Variants in PPP2R2C observed in about 807,000 individuals in gnomAD.
The protein encoded by PPP2R2C is protein phosphatase 2, regulatory subunit B, gamma.
A neutral mutation model predicts 45.3 loss-of-function variants in PPP2R2C; 10 were observed. The ratio of observed to expected loss-of-function variants is 0.22; its 90% confidence interval spans 0.14 to 0.37. PPP2R2C has a LOEUF of 0.37. Among genes scored for constraint, PPP2R2C ranks in the 10% least tolerant of loss-of-function variants. The pLI, the probability that PPP2R2C is intolerant of heterozygous loss-of-function variation, is 1.00. For synonymous variants in PPP2R2C, 257 were observed against 245.4 expected, an observed-to-expected ratio of 1.05 and a Z score of -0.44; for missense variants, 308 against 619.7, an observed-to-expected ratio of 0.50 and a Z score of 5.34.
At chr4:6,400,549 T>C (rs995135332) in intron 1 of PPP2R2C, among the ~76,000 whole-genome samples, 21 of 152,200 alleles carry the variant, frequency 1.4e-4, no homozygotes, top group African/African-American at 4.8e-4. Context: ...GACCAAAAAG[T>C]TTGGCAACCA....
intron 1 of PPP2R2C, among the ~76,000 whole-genome samples, chr4:6,542,792 A>G (rs1171420133): frequency 6.6e-6 from 1 of 152,210 alleles, no homozygotes; most frequent in African/African-American, 2.4e-5. Flanking sequence ...AATACAGCTC[A>G]CTAACACTGA....
chr4:6,346,966 C>T (rs1364376417), intron 6 of PPP2R2C, among the ~76,000 whole-genome samples: 1 of 152,196 alleles, frequency 6.6e-6, no homozygotes, highest in Non-Finnish European at 1.5e-5. Context: ...GGGGGACACC[C>T]CACCTCCTGC....
chr4:6,442,682 C>A (rs997336436), intron 1 of PPP2R2C, among the ~76,000 whole-genome samples: 7 of 152,330 alleles, frequency 4.6e-5, no homozygotes, highest in Admixed American at 1.3e-4. Context: ...AGTTCCAACA[C>A]CCCTAGGGTG....
rs1256932488 is a variant in PPP2R2C at position 6,345,347 on chromosome 4, G to A, written c.790+2499C>T. ...GTGTCCTGTAGTAGGCGGTGGAACGGCCCCCAGAGACGGCTGCGTCCTGAT... is the reference window on the plus strand; with the variant it reads ...GTGTCCTGTAGTAGGCGGTGGAACGACCCCCAGAGACGGCTGCGTCCTGAT... On this transcript the variant is annotated intron_variant, in intron 6 of 8. Coordinates refer to ENST00000382599, the MANE Select transcript of PPP2R2C (RefSeq NM_020416.4). This position sits in a 1 kb window ranked among gnomAD's most constrained non-coding sequence, Gnocchi z 5.3. Among the ~76,000 whole-genome samples the A allele has an allele frequency of 2.0e-5, 3 of 152,164 alleles. No homozygotes were observed. Among genetic ancestry groups the A allele is most frequent in the Admixed American group, 2.0e-4 (3 of 15,278 alleles).
chr4:6,540,207 C>T (rs907970911), intron 1 of PPP2R2C, among the ~76,000 whole-genome samples: 2 of 152,202 alleles, frequency 1.3e-5, no homozygotes, highest in African/African-American at 4.8e-5. Flanking sequence ...ACCACATGTT[C>T]ATTAATGGTC....
At chr4:6,418,512 C>T (rs1209085857) in intron 1 of PPP2R2C, among the ~76,000 whole-genome samples, 1 of 152,262 alleles carries the variant, frequency 6.6e-6, no homozygotes, top group Non-Finnish European at 1.5e-5. Context: ...ACTCCTGCAT[C>T]TCCCAGGTGA....
chr4:6,404,312 G>A (rs1336959946), intron 1 of PPP2R2C, among the ~76,000 whole-genome samples: 1 of 152,204 alleles, frequency 6.6e-6, no homozygotes, highest in African/African-American at 2.4e-5. Context: ...CAAGGGGCAG[G>A]CACACAGAGG....
At position 6,387,076 on chromosome 4, in the gene PPP2R2C, T is replaced by A. The variant is rs535461767; in HGVS notation, c.71-5982A>T. ...AGAATAGAGAGAAAAAAAATTTTTT[T>A]AAAAAGAAAAAGATCCTCAAAGACC... is the stretch of plus-strand genomic sequence containing the variant. On this transcript the variant is annotated intron_variant, in intron 1 of 8. Transcript: ENST00000382599. Among the ~76,000 whole-genome samples, 75 of 152,066 alleles carry A rather than the reference T, an allele frequency of 4.9e-4. No homozygotes were observed. The South Asian group carries it at 0.011, about 23-fold the overall frequency.
chr4:6,379,659 C>T (rs561315826), intron 2 of PPP2R2C, among the ~76,000 whole-genome samples: 28 of 152,364 alleles, frequency 1.8e-4, no homozygotes, highest in African/African-American at 6.3e-4. Flanking sequence ...GGACACCCCA[C>T]AGGTGCATCT....
Position 6,364,192 on chromosome 4 carries a change from G to T in PPP2R2C, c.625+8331C>A, listed in dbSNP as rs6446493. ...TAGTTCCGACAGACTGGTCAAGGAA[G>T]GCCTCTTTAAGAAGGTGTCCACTGA... On this transcript the variant is annotated intron_variant, in intron 5 of 8. Transcript: ENST00000382599. The surrounding 1 kb of genome is among the most constrained non-coding windows in gnomAD (Gnocchi z 5.3). Among the ~76,000 whole-genome samples the T allele has an allele frequency of 9.2e-5, 14 of 152,258 alleles. No individual in the cohort carries two copies. Among genetic ancestry groups the T allele is most frequent in the African/African-American group, 2.2e-4 (9 of 41,520 alleles).
At chr4:6,388,021 C>G (rs79052716) in intron 1 of PPP2R2C, among the ~76,000 whole-genome samples, 4,719 of 152,310 alleles carry the variant, frequency 0.031, 83 homozygotes, top group Middle Eastern at 0.092. Context: ...ACTGCAGGGC[C>G]TGGAGCTGCC....
At chr4:6,343,562 CA>C (rs958350241) in intron 6 of PPP2R2C, among the ~76,000 whole-genome samples, 4 of 151,848 alleles carry the variant, frequency 2.6e-5, no homozygotes, top group Non-Finnish European at 2.9e-5. Flanking sequence ...ACTAAAAATA[CA>C]AAAAAAATTA....
intron 1 of PPP2R2C, among the ~76,000 whole-genome samples, chr4:6,466,770 G>A (rs1326986400): frequency 6.6e-6 from 1 of 152,174 alleles, no homozygotes; most frequent in Non-Finnish European, 1.5e-5. Flanking sequence ...ACAACAGTCA[G>A]GAGATGGAGT....
intron 5 of PPP2R2C, 127 bp from the exon 6 acceptor site, chr4:6,348,137 C>T (rs531396567): frequency 8.2e-6 from 9 of 1,099,792 alleles, no homozygotes; most frequent in Middle Eastern, 2.3e-4. Flanking sequence ...CTCTCTGTTC[C>T]TGAGACCCTC....
chr4:6,497,570 T>C (rs1214659577), intron 2 of PPP2R2C, among the ~76,000 whole-genome samples: 1 of 152,208 alleles, frequency 6.6e-6, no homozygotes, highest in East Asian at 1.9e-4. Flanking sequence ...GAAAAACTTG[T>C]GCAAGACATT....
In PPP2R2C at chr4:6,358,094, AGC is replaced by A. The variant is rs1713380178; in HGVS notation, c.626-10086_626-10085del. Among the ~76,000 whole-genome samples the A allele has an allele frequency of 2.0e-5, 3 of 152,056 alleles. No homozygotes were observed. The South Asian group carries it at 6.2e-4, about 32-fold the overall frequency. ...TACCTGACTTCAAACTATGCTACAA[AGC>A]TACAGTAACCAAAACAGCATGGTAC... On this transcript the variant is annotated intron_variant, in intron 5 of 8. Coordinates refer to ENST00000382599, the MANE Select transcript of PPP2R2C (RefSeq NM_020416.4).
At chr4:6,524,148 C>G (rs1724119396) in intron 2 of PPP2R2C, among the ~76,000 whole-genome samples, 1 of 152,042 alleles carries the variant, frequency 6.6e-6, no homozygotes, top group Non-Finnish European at 1.5e-5. Context: ...TCTCGAACTC[C>G]TGACCTCAAG....
At chr4:6,468,487 T>C (rs1721696464) in intron 1 of PPP2R2C, among the ~76,000 whole-genome samples, 1 of 152,216 alleles carries the variant, frequency 6.6e-6, no homozygotes, top group Non-Finnish European at 1.5e-5. Flanking sequence ...CAGTGTGTGA[T>C]GGCTGAGATG....
At chr4:6,435,464 A>T (rs6858145) in intron 1 of PPP2R2C, among the ~76,000 whole-genome samples, 96,166 of 152,092 alleles carry the variant, frequency 0.63, 31,683 homozygotes, top group Non-Finnish European at 0.74. Flanking sequence ...CATTATGTAC[A>T]GTTGATATTT....
Sources: allele counts gnomAD v4.1 joint callset (sites outside exome capture counted in the v4.1 genomes callset), GRCh38; gene constraint gnomAD v4.1.1; non-coding constraint Gnocchi (gnomAD v3.1); transcripts MANE v1.5; gene names NCBI Gene and HGNC (gene_info 2026-07-23, HGNC 2026-07-21).